CDK7: variants seen among roughly 807,000 people sequenced by gnomAD.
The protein encoded by CDK7 is cyclin dependent kinase 7.
Under a neutral mutation model 49.1 loss-of-function variants are expected in CDK7, and 25 were observed. The observed-to-expected ratio is 0.51, with a 90% CI of 0.37 to 0.71. The LOEUF (loss-of-function observed/expected upper bound fraction) is 0.71, where lower values mean the gene tolerates loss of function less well. Among genes scored for constraint, CDK7 ranks in the 30% least tolerant of loss-of-function variants. CDK7 has a pLI of 0.00. For missense variants in CDK7, 316 were observed against 411.7 expected, an observed-to-expected ratio of 0.77 and a Z score of 2.01; for synonymous variants, 107 against 140.0, an observed-to-expected ratio of 0.76 and a Z score of 1.67.
intron 2 of CDK7, among the ~76,000 whole-genome samples, chr5:69,241,406 C>T (rs775010398): frequency 6.7e-6 from 1 of 149,254 alleles, no homozygotes; most frequent in Non-Finnish European, 1.5e-5. Flanking sequence ...CTGCAACCTC[C>T]GCCTCCTGGG....
intron 8 of CDK7, among the ~76,000 whole-genome samples, chr5:69,263,594 A>G (rs1750967175): frequency 6.6e-6 from 1 of 152,224 alleles, no homozygotes; most frequent in Admixed American, 6.6e-5. Context: ...GGGCATTTGT[A>G]GAAGAAACCC....
Position 69,234,908 on chromosome 5 carries a change from G to A in CDK7, c.-68G>A. 6.8e-7 allele frequency: 1 copy of A among 1,476,388 alleles called. No individual in the cohort carries two copies. The allele number at this position is 1,476,388 out of a possible 1,614,324, so 91.5% of individuals were successfully genotyped here. ...GGAAGTGGGTGTTGGAGGCTTTAAG[G>A]TAGCTTTAAATTCGTGTTGTCCTGG... is the stretch of plus-strand genomic sequence containing the variant. On this transcript the variant is annotated 5_prime_UTR_variant, in exon 1 of 12. Coordinates refer to ENST00000256443, the MANE Select transcript of CDK7 (RefSeq NM_001799.4).
chr5:69,266,671 C>T (rs2150223741), intron 8 of CDK7, among the ~76,000 whole-genome samples: 1 of 149,572 alleles, frequency 6.7e-6, no homozygotes, highest in African/African-American at 2.5e-5. Flanking sequence ...CAGATTGGAG[C>T]AGGTGGGGTG....
At chr5:69,263,748 T>C (rs1750977564) in intron 8 of CDK7, among the ~76,000 whole-genome samples, 1 of 152,122 alleles carries the variant, frequency 6.6e-6, no homozygotes, top group African/African-American at 2.4e-5. Flanking sequence ...CCACAATCCA[T>C]TCATGGCCAA....
In CDK7 at chr5:69,262,245, T is replaced by G; in HGVS notation, c.568T>G (p.Tyr190Asp). The G allele has an allele frequency of 1.9e-6, 3 of 1,614,114 alleles. No individual in the cohort carries two copies. Among genetic ancestry groups the G allele is most frequent in the Non-Finnish European group, 2.5e-6 (3 of 1,180,010 alleles). ...APELLFGARM[Y>D]GVGVDMWAVG... ...CGAGTTACTATTTGGAGCTAGGATG[T>G]ATGGTGTAGGTGTGGACATGTGGGC... The change falls in exon 8 of 12, where the codon TAT becomes GAT. Residue 190 changes from tyrosine to aspartate, a missense_variant. Coordinates refer to ENST00000256443, the MANE Select transcript of CDK7 (RefSeq NM_001799.4).
At chr5:69,235,365 A>G (rs748676276) in intron 1 of CDK7, 29 bp from the exon 2 acceptor site, 6 of 1,509,490 alleles carry the variant, frequency 4.0e-6, no homozygotes, top group Non-Finnish European at 5.5e-6. Context: ...ACTCCCATAA[A>G]CTTATGTTAT....
chr5:69,275,579 TGAC>T (rs1752035116), intron 10 of CDK7, among the ~76,000 whole-genome samples: 1 of 152,224 alleles, frequency 6.6e-6, no homozygotes, highest in African/African-American at 2.4e-5. Context: ...TTTTGAATGA[TGAC>T]GTGATGCCAC....
At chr5:69,269,378 C>A in intron 9 of CDK7, 85 bp downstream of exon 9, 1 of 819,356 alleles carries the variant, frequency 1.2e-6, no homozygotes, top group Admixed American at 2.5e-5. Flanking sequence ...AGTGCTGTCA[C>A]GTGAATATTA....
intron 2 of CDK7, among the ~76,000 whole-genome samples, chr5:69,238,744 C>T (rs2150181016): frequency 6.6e-6 from 1 of 151,320 alleles, no homozygotes; most frequent in East Asian, 1.9e-4. Context: ...GCAACCTCCA[C>T]CTCCCCAGGC....
rs532487564 is a variant in CDK7 at position 69,246,234 on chromosome 5, T to A, written c.127-6184T>A. ...TCACTGCAATCTCCGCCTCCCAGGT[T>A]CAAGTGATTCTCCTGCCTCAGCCTC... is the stretch of plus-strand genomic sequence containing the variant. On this transcript the variant is annotated intron_variant, in intron 2 of 11. Transcript: ENST00000256443. Among the ~76,000 whole-genome samples the A allele has an allele frequency of 2.6e-4, 40 of 152,198 alleles. 2 individuals carry two copies. In the East Asian group the frequency reaches 5.2e-3, roughly 20 times the overall value.
chr5:69,244,671 A>G (rs1279637276), intron 2 of CDK7, among the ~76,000 whole-genome samples: 1 of 151,156 alleles, frequency 6.6e-6, no homozygotes, highest in African/African-American at 2.4e-5. Flanking sequence ...CATATCGTCT[A>G]CAAACAAGAA....
chr5:69,270,900 A>T (rs567713694), intron 9 of CDK7, among the ~76,000 whole-genome samples: 3 of 152,214 alleles, frequency 2.0e-5, no homozygotes, highest in South Asian at 2.1e-4. Context: ...GTTGTTTCCA[A>T]TGTGGGGCTA....
intron 2 of CDK7, among the ~76,000 whole-genome samples, chr5:69,248,804 T>C (rs865801187): frequency 7.5e-6 from 1 of 132,938 alleles, no homozygotes; most frequent in African/African-American, 3.4e-5. Flanking sequence ...TTTTTTTTCT[T>C]TTTTTTTTTT....
intron 2 of CDK7, among the ~76,000 whole-genome samples, chr5:69,241,366 G>T (rs1749373263): frequency 6.9e-6 from 1 of 144,914 alleles, no homozygotes; most frequent in South Asian, 2.2e-4. Context: ...TGTCACCCAG[G>T]CTGGAGTGCA....
chr5:69,242,638 A>C (rs916941074), intron 2 of CDK7, among the ~76,000 whole-genome samples: 6 of 152,304 alleles, frequency 3.9e-5, no homozygotes, highest in South Asian at 2.1e-4. Context: ...GAGTGGGTTA[A>C]TTTTGGGAAA....
intron 3 of CDK7, among the ~76,000 whole-genome samples, chr5:69,254,352 C>T (rs6450027): frequency 0.62 from 93,766 of 151,420 alleles, 29,671 homozygotes; most frequent in African/African-American, 0.74. Flanking sequence ...TGAAACCCCG[C>T]CTTTACTAAA....
intron 5 of CDK7, chr5:69,256,163 C>T (rs1226623911): frequency 2.6e-5 from 4 of 152,220 alleles, no homozygotes; most frequent in Non-Finnish European, 4.4e-5. Context: ...TGCAGTGACT[C>T]ACGCCTGTAA....
intron 8 of CDK7, among the ~76,000 whole-genome samples, chr5:69,267,218 T>G (rs573433053): frequency 6.6e-6 from 1 of 151,846 alleles, no homozygotes; most frequent in Middle Eastern, 3.4e-3. Context: ...TCTCCCACAC[T>G]AGATATTTTT....
chr5:69,236,484 T>A (rs1748981374), intron 2 of CDK7, among the ~76,000 whole-genome samples: 1 of 152,078 alleles, frequency 6.6e-6, no homozygotes, highest in Admixed American at 6.6e-5. Context: ...AATCTGCTTC[T>A]CCTGCTTCAA....
Sources: allele counts gnomAD v4.1 joint callset (sites outside exome capture counted in the v4.1 genomes callset), GRCh38; gene constraint gnomAD v4.1.1; transcripts MANE v1.5; gene names NCBI Gene and HGNC (gene_info 2026-07-23, HGNC 2026-07-21).